The following RHNO1 variants were observed in gnomAD, a reference collection of about 807,000 sequenced individuals.
RHNO1 encodes RAD9, HUS1, RAD1-interacting nuclear orphan protein 1.
A neutral mutation model predicts 7.2 loss-of-function variants in RHNO1; 9 were observed. That is an observed-to-expected ratio of 1.25 (90% CI 0.75 to 2.18). RHNO1 has a LOEUF of 2.18. Ranked by LOEUF, RHNO1 falls within the 30% of genes most tolerant of loss-of-function variation. The pLI is 0.00. For synonymous variants in RHNO1, 95 were observed against 107.5 expected (o/e 0.88, Z 0.72); for missense variants, 292 against 284.5 (o/e 1.03, Z -0.19).
At chr12:2,887,048 T>C (rs2098166410) in intron 2 of RHNO1, 1 of 452,126 alleles carries the variant, frequency 2.2e-6, no homozygotes, top group Non-Finnish European at 4.5e-6. Context: ...TAAAGATAAA[T>C]AAGTTATATC....
chr12:2,884,280 C>G (rs912466212), intron 1 of RHNO1, among the ~76,000 whole-genome samples: 3 of 152,214 alleles, frequency 2.0e-5, no homozygotes, highest in Non-Finnish European at 2.9e-5. Context: ...GCTGCCCAGG[C>G]TGGAGTGCAG....
chr12:2,884,857 T>C, intron 1 of RHNO1, among the ~76,000 whole-genome samples: 1 of 152,220 alleles, frequency 6.6e-6, no homozygotes, highest in East Asian at 1.9e-4. Flanking sequence ...TTGTTTCTTC[T>C]ATGCCTTTCA....
chr12:2,885,350 T>A lies in RHNO1; in HGVS notation c.-17T>A. On this transcript the variant is annotated 5_prime_UTR_variant, in exon 2 of 3. Coordinates refer to ENST00000489288, the MANE Select transcript of RHNO1 (RefSeq NM_001252499.3). ...ACAGCATCATGTGGTTACTAACTGT[T>A]CCTCATTCACCGGTTGATGCCTCCC... The A allele has an allele frequency of 1.2e-6, 2 of 1,610,120 alleles. No individual in the cohort carries two copies. Among genetic ancestry groups the A allele is most frequent in the Non-Finnish European group, 1.7e-6 (2 of 1,178,104 alleles).
intron 1 of RHNO1, among the ~76,000 whole-genome samples, chr12:2,882,535 T>C (rs1254145149): frequency 6.6e-6 from 1 of 151,848 alleles, no homozygotes; most frequent in Non-Finnish European, 1.5e-5. Flanking sequence ...AAACCTCATC[T>C]CTACTTAAAA....
chr12:2,878,669 C>T (rs776695541), intron 1 of RHNO1, among the ~76,000 whole-genome samples: 3 of 151,592 alleles, frequency 2.0e-5, no homozygotes, highest in Admixed American at 6.6e-5. Flanking sequence ...ACTGCTGGAG[C>T]TTGAAAAAGG....
At chr12:2,885,236 G>A in intron 1 of RHNO1, 47 bp from the exon 2 acceptor site, 2 of 802,782 alleles carry the variant, frequency 2.5e-6, no homozygotes, top group Non-Finnish European at 4.0e-6. Flanking sequence ...GAAGAACTGG[G>A]GAATCATCTG....
chr12:2,887,932 G>GCAGCAGGAAGCTTGTTCCCAGC lies in RHNO1; in HGVS notation c.192_213dup (p.Tyr72SerfsTer33), dbSNP rs772739434. 42 of 1,592,696 alleles carry GCAGCAGGAAGCTTGTTCCCAGC rather than the reference G, an allele frequency of 2.6e-5. No individual in the cohort carries two copies. The highest frequency in any genetic ancestry group is 3.5e-5 in the Non-Finnish European group (41 of 1,170,676). ...TAAGGTATCACCTGATTTTGATACA[G>GCAGCAGGAAGCTTGTTCCCAGC]CAGCAGGAAGCTTGTTCCCAGCCTA... On this transcript the variant is annotated frameshift_variant, in exon 3 of 3. Transcript: ENST00000489288. LOFTEE classifies it low-confidence loss of function (END_TRUNC).
At chr12:2,883,511 A>ATATATATATATATATATATT (rs2098161542) in intron 1 of RHNO1, among the ~76,000 whole-genome samples, 1 of 26,846 alleles carries the variant, frequency 3.7e-5, no homozygotes, top group Non-Finnish European at 6.4e-5. Flanking sequence ...ATATATATAT[A>ATATATATATATATATATATT]TTTTTTTTTT....
intron 1 of RHNO1, among the ~76,000 whole-genome samples, chr12:2,878,396 A>G (rs139766383): frequency 6.6e-6 from 1 of 152,148 alleles, no homozygotes; most frequent in East Asian, 1.9e-4. Flanking sequence ...CACAGTGAGT[A>G]CAAAGGCTGA....
At chr12:2,881,902 CAA>C (rs1208946857) in intron 1 of RHNO1, among the ~76,000 whole-genome samples, 92 of 119,490 alleles carry the variant, frequency 7.7e-4, no homozygotes, top group Non-Finnish European at 7.3e-4. Flanking sequence ...AAGACTCCAT[CAA>C]AAAAAAAAAA....
intron 1 of RHNO1, among the ~76,000 whole-genome samples, chr12:2,881,382 C>T (rs1181626241): frequency 2.6e-5 from 4 of 151,980 alleles, no homozygotes; most frequent in Non-Finnish European, 4.4e-5. Flanking sequence ...GTATTAAGGG[C>T]ATGAGCCACT....
intron 1 of RHNO1, among the ~76,000 whole-genome samples, chr12:2,881,169 C>T (rs754591582): frequency 6.6e-6 from 1 of 152,042 alleles, no homozygotes; most frequent in Non-Finnish European, 1.5e-5. Flanking sequence ...GTGGCGTGAT[C>T]TCGGCTCACT....
At chr12:2,880,701 A>G (rs1410602551) in intron 1 of RHNO1, among the ~76,000 whole-genome samples, 3 of 151,964 alleles carry the variant, frequency 2.0e-5, no homozygotes, top group Non-Finnish European at 2.9e-5. Flanking sequence ...TGGCACGATC[A>G]TAGCTCACCA....
intron 1 of RHNO1, among the ~76,000 whole-genome samples, chr12:2,881,326 C>G (rs2098157274): frequency 6.6e-6 from 1 of 151,922 alleles, no homozygotes; most frequent in Admixed American, 6.6e-5. Flanking sequence ...TGGTCTTGAA[C>G]TCCTGACTTC....
chr12:2,885,003 G>C (rs1478766301), intron 1 of RHNO1, among the ~76,000 whole-genome samples: 1 of 152,170 alleles, frequency 6.6e-6, no homozygotes, highest in Non-Finnish European at 1.5e-5. Context: ...GATGACCTCT[G>C]TATCACTACA....
chr12:2,885,051 G>C, intron 1 of RHNO1: 1 of 283,162 alleles, frequency 3.5e-6, no homozygotes, highest in Admixed American at 5.0e-5. Context: ...TGAATAAATG[G>C]TTATTCATCT....
At chr12:2,883,062 G>A (rs2098160033) in intron 1 of RHNO1, among the ~76,000 whole-genome samples, 1 of 53,280 alleles carries the variant, frequency 1.9e-5, no homozygotes, top group Non-Finnish European at 3.2e-5. Flanking sequence ...GCAAGGCCCT[G>A]TCTCAAAAAA....
chr12:2,888,495 T>G lies in RHNO1; in HGVS notation c.*36T>G, dbSNP rs751267067. The G allele has an allele frequency of 6.0e-6, 9 of 1,503,868 alleles. 1 individual carries two copies. The highest frequency in any genetic ancestry group is 3.6e-4 in the Middle Eastern group (2 of 5,550). 93.2% of individuals were successfully genotyped at this position (1,503,868 alleles called of 1,614,324 possible). On this transcript the variant is annotated 3_prime_UTR_variant, in exon 3 of 3. Coordinates refer to ENST00000489288, the MANE Select transcript of RHNO1 (RefSeq NM_001252499.3). ...TAATCTCAATAGAAAAGAGATATGT[T>G]TTCTGGAGTCATAAAGGAATTCAAT... is the stretch of plus-strand genomic sequence containing the variant.
At position 2,888,912 on chromosome 12, in the gene RHNO1, T is replaced by A. The variant is rs912415064; in HGVS notation, c.*453T>A. The A allele has an allele frequency of 6.5e-6, 1 of 153,292 alleles. No individual in the cohort carries two copies. The highest frequency in any genetic ancestry group is 1.5e-5 in the Non-Finnish European group (1 of 68,830). 9.5% of individuals were successfully genotyped at this position (153,292 alleles called of 1,614,324 possible). A position where few individuals can be genotyped will look rare whatever the true frequency, so the allele number is the denominator to read the frequency against. The stretch of plus-strand genomic sequence containing the variant: ...ATTAACTGTTTAAATTTTTAAAATA[T>A]CTTGTAGTAACTCTTTAAAATGTAT... On this transcript the variant is annotated 3_prime_UTR_variant, in exon 3 of 3. Coordinates refer to ENST00000489288, the MANE Select transcript of RHNO1 (RefSeq NM_001252499.3).
Sources: gnomAD v4.1 joint callset for allele counts (sites outside exome capture counted in the v4.1 genomes callset) on GRCh38, gnomAD v4.1.1 for gene constraint, MANE v1.5 for transcripts, NCBI Gene and HGNC (gene_info 2026-07-23, HGNC 2026-07-21) for gene names.